Variants in GUCD1 observed in about 807,000 individuals in gnomAD.
GUCD1 encodes the protein guanylyl cyclase domain containing 1, also known as protein GUCD1.
Under a neutral mutation model 28.3 loss-of-function variants are expected in GUCD1, and 17 were observed. The observed-to-expected ratio is 0.60, with a 90% CI of 0.41 to 0.90. The LOEUF is 0.90. Ranked by LOEUF, GUCD1 falls within the 40% of genes least tolerant of loss-of-function variation. The pLI is 0.00. For synonymous variants in GUCD1, 129 were observed against 123.3 expected (o/e 1.05, Z -0.30); for missense variants, 279 against 305.5 (o/e 0.91, Z 0.65).
chr22:24,551,759 A>G (rs1277919765), intron 1 of GUCD1, among the ~76,000 whole-genome samples: 1 of 152,234 alleles, frequency 6.6e-6, no homozygotes, highest in Non-Finnish European at 1.5e-5. Context: ...AAGTAACAAT[A>G]GCATCAAGCC....
chr22:24,542,305 T>A lies in GUCD1; in HGVS notation c.*701A>T, dbSNP rs1342440440. On this transcript the variant is annotated 3_prime_UTR_variant, in exon 6 of 6. Transcript: ENST00000435822. ...CCAGCCACGAGGCCTACCAGTGGGA[T>A]CTAGGCCCGAGAGCCCTCCATCTGA... is the stretch of plus-strand genomic sequence containing the variant. 1 of 152,292 alleles carries A rather than the reference T, an allele frequency of 6.6e-6. No individual in the cohort carries two copies. Among genetic ancestry groups the A allele is most frequent in the Non-Finnish European group, 1.5e-5 (1 of 68,084 alleles). 9.4% of individuals were successfully genotyped at this position (152,292 alleles called of 1,614,324 possible).
chr22:24,545,397 G>A (rs2044699968), intron 4 of GUCD1, among the ~76,000 whole-genome samples: 1 of 152,136 alleles, frequency 6.6e-6, no homozygotes, highest in African/African-American at 2.4e-5. Flanking sequence ...TAACAAGCAT[G>A]GGTTCAGATC....
Position 24,555,115 on chromosome 22 carries a change from A to AGG in GUCD1, c.-126_-125dup. On this transcript the variant is annotated 5_prime_UTR_variant, in exon 1 of 6. Coordinates refer to ENST00000435822, the MANE Select transcript of GUCD1 (RefSeq NM_001284254.2). ...TTCTCCGCCACCGCCGCCGCTGCGGAGGAGAGAACGGGAGGCGGCGGCTGG... is the reference window on the plus strand; with the variant it reads ...TTCTCCGCCACCGCCGCCGCTGCGGAGGGGAGAGAACGGGAGGCGGCGGCTGG... The AGG allele has an allele frequency of 2.3e-6, 3 of 1,315,092 alleles. No individual in the cohort carries two copies. Among genetic ancestry groups the AGG allele is most frequent in the Non-Finnish European group, 2.9e-6 (3 of 1,032,240 alleles). 81.5% of individuals were successfully genotyped at this position (1,315,092 alleles called of 1,614,324 possible).
intron 4 of GUCD1, among the ~76,000 whole-genome samples, chr22:24,545,023 T>TA (rs771666191): frequency 0.013 from 1,826 of 138,192 alleles, 17 homozygotes; most frequent in African/African-American, 0.028. Context: ...CCCTGTCTCT[T>TA]AAAAAAAAAA....
At chr22:24,555,361 T>C (rs2045027223), upstream of GUCD1, 50 of 1,190,314 alleles carry the variant, frequency 4.2e-5, no homozygotes, top group Admixed American at 2.1e-4. Context: ...GCCCCGCCCC[T>C]TTCTTTGAGC....
chr22:24,548,808 C>T, intron 2 of GUCD1, 109 bp downstream of exon 2: 1 of 810,436 alleles, frequency 1.2e-6, no homozygotes, highest in South Asian at 1.7e-5. Flanking sequence ...CCTGCAAGCC[C>T]CAACCAAAGA....
In GUCD1 at chr22:24,541,185, G is replaced by T. The variant is rs1394250646; in HGVS notation, c.*1821C>A. 5.4e-5 allele frequency: 9 copies of T among 166,482 alleles called. No individual in the cohort carries two copies. Among genetic ancestry groups the T allele is most frequent in the East Asian group, 1.9e-4 (1 of 5,194 alleles). The allele number at this position is 166,482 out of a possible 1,614,324, so 10.3% of individuals were successfully genotyped here. On this transcript the variant is annotated 3_prime_UTR_variant, in exon 6 of 6. Coordinates refer to ENST00000435822, the MANE Select transcript of GUCD1 (RefSeq NM_001284254.2). ...CTCTTGGCCAAAGGCTTTGTCTAGG[G>T]TTGAGAAGCAATTTGGCTGGGTGGT...
chr22:24,551,611 T>A (rs1216292173), intron 1 of GUCD1, among the ~76,000 whole-genome samples: 1 of 152,204 alleles, frequency 6.6e-6, no homozygotes, highest in Non-Finnish European at 1.5e-5. Flanking sequence ...CGGCTGCTGT[T>A]CTCAAGGTTG....
rs2044607470 is a variant in GUCD1, at chr22:24,542,073, G to A, written c.*933C>T. ...CCCAGTATCCTGTGCAATCTGGTGT[G>A]AAGACCAGGTTGGGTGGGCAGCTGC... On this transcript the variant is annotated 3_prime_UTR_variant, in exon 6 of 6. Coordinates refer to ENST00000435822, the MANE Select transcript of GUCD1 (RefSeq NM_001284254.2). 6.6e-6 allele frequency: 1 copy of A among 152,284 alleles called. No individual in the cohort carries two copies. The highest frequency in any genetic ancestry group is 2.1e-4 in the South Asian group (1 of 4,836). 9.4% of individuals were successfully genotyped at this position (152,284 alleles called of 1,614,324 possible).
At position 24,544,002 on chromosome 22, in the gene GUCD1, G is replaced by T. The variant is rs763190109; in HGVS notation, c.468C>A (p.His156Gln). The T allele has an allele frequency of 1.2e-5, 20 of 1,613,922 alleles. No individual in the cohort carries two copies. The highest frequency in any genetic ancestry group is 1.7e-5 in the Non-Finnish European group (20 of 1,179,988). The change falls in exon 5 of 6, where the codon CAC becomes CAA. Residue 156 changes from histidine (H) to glutamine (Q), a missense_variant. By Grantham distance (24) the His-to-Gln change is conservative. Coordinates refer to ENST00000435822, the MANE Select transcript of GUCD1 (RefSeq NM_001284254.2). ...AIVLVNSGVL[H>Q]CDLCSSPVKY... The stretch of plus-strand genomic sequence containing the variant: ...TGACAGGGCTGGAGCACAGGTCACA[G>T]TGCAGCACCCCCGAGTTCACCAGCA...
At position 24,542,860 on chromosome 22, in the gene GUCD1, G is replaced by T. The variant is rs1326922910; in HGVS notation, c.*146C>A. The T allele has an allele frequency of 3.1e-6, 2 of 650,428 alleles. No individual in the cohort carries two copies. The highest frequency in any genetic ancestry group is 5.6e-6 in the Non-Finnish European group (2 of 360,330). The allele number at this position is 650,428 out of a possible 1,614,324, so 40.3% of individuals were successfully genotyped here. A position where few individuals can be genotyped will look rare whatever the true frequency, so the allele number is the denominator to read the frequency against. On this transcript the variant is annotated 3_prime_UTR_variant, in exon 6 of 6. Coordinates refer to ENST00000435822, the MANE Select transcript of GUCD1 (RefSeq NM_001284254.2). ...AGACAAAGCAGCTGTGCCAGTCTCC[G>T]AGTTCCTGGGACTCTGCCAGATGGG...
intron 1 of GUCD1, among the ~76,000 whole-genome samples, chr22:24,552,003 T>G (rs781154794): frequency 3.3e-5 from 5 of 152,376 alleles, no homozygotes; most frequent in South Asian, 2.1e-4. Context: ...ATAGGCCATT[T>G]TTTTTGCCCT....
At chr22:24,549,771 C>G (rs9612654) in intron 1 of GUCD1, among the ~76,000 whole-genome samples, 31,665 of 152,100 alleles carry the variant, frequency 0.21, 3,544 homozygotes, top group Non-Finnish European at 0.26. Context: ...TGATCCACCT[C>G]AGCCTCCCAA....
chr22:24,555,180 T>C (rs925931675), upstream of GUCD1: 37 of 1,298,696 alleles, frequency 2.8e-5, no homozygotes, highest in Middle Eastern at 8.7e-4. Flanking sequence ...AGGTCTCGAA[T>C]CTGGAGGCCC....
chr22:24,552,834 C>CG (rs1207578809), intron 1 of GUCD1, among the ~76,000 whole-genome samples: 1 of 151,920 alleles, frequency 6.6e-6, no homozygotes, highest in Non-Finnish European at 1.5e-5. Context: ...GGGTCTCACT[C>CG]TGTCGCCCAG....
chr22:24,546,883 G>T (rs370321101), intron 4 of GUCD1, 31 bp downstream of exon 4: 103 of 1,582,694 alleles, frequency 6.5e-5, no homozygotes, highest in Non-Finnish European at 8.2e-5. Flanking sequence ...GGCATGAGAG[G>T]AAGGGCAGGT....
chr22:24,549,312 T>A (rs1262891186), intron 1 of GUCD1, among the ~76,000 whole-genome samples: 2 of 152,168 alleles, frequency 1.3e-5, no homozygotes, highest in Non-Finnish European at 2.9e-5. Flanking sequence ...TCATAATCCC[T>A]CACACCCTGG....
upstream of GUCD1, chr22:24,555,364 C>T: frequency 7.9e-7 from 1 of 1,271,698 alleles, no homozygotes; most frequent in South Asian, 1.7e-5. Flanking sequence ...CCGCCCCTTT[C>T]TTTGAGCCCC....
chr22:24,551,816 C>T (rs1451180073), intron 1 of GUCD1, among the ~76,000 whole-genome samples: 1 of 152,198 alleles, frequency 6.6e-6, no homozygotes, highest in African/African-American at 2.4e-5. Flanking sequence ...CTATGGTATC[C>T]TCTCCAAAAT....
Sources: allele counts gnomAD v4.1 joint callset (sites outside exome capture counted in the v4.1 genomes callset), GRCh38; gene constraint gnomAD v4.1.1; transcripts MANE v1.5; gene names NCBI Gene and HGNC (gene_info 2026-07-23, HGNC 2026-07-21).